Variants in SPEF2 observed in about 807,000 individuals in gnomAD.
The protein encoded by SPEF2 is sperm flagellar and cilia associated 2, also known as sperm flagella and cilia-associated protein 2.
Under a neutral mutation model 224.6 loss-of-function variants are expected in SPEF2, and 187 were observed. That is an observed-to-expected ratio of 0.83 (90% confidence interval 0.74 to 0.94). The LOEUF is 0.94. Among genes scored for constraint, SPEF2 ranks in the 40% least tolerant of loss-of-function variants. SPEF2 has a pLI of 0.00. For synonymous variants in SPEF2, 715 were observed against 707.3 expected, an observed-to-expected ratio of 1.01 and a Z score of -0.17; for missense variants, 2,170 against 2,135.6, an observed-to-expected ratio of 1.02 and a Z score of -0.32.
At chr5:35,627,882 A>T (rs900607141) in intron 1 of SPEF2, among the ~76,000 whole-genome samples, 4 of 152,186 alleles carry the variant, frequency 2.6e-5, no homozygotes, top group Admixed American at 2.6e-4. Flanking sequence ...CCCCTGGGCT[A>T]TCTCTCAGTA....
At chr5:35,711,646 G>C (rs13182061) in intron 19 of SPEF2, among the ~76,000 whole-genome samples, 114,724 of 143,096 alleles carry the variant, frequency 0.8, 45,364 homozygotes, top group East Asian at 0.85. Context: ...ATCATCCCCC[G>C]TCTTTCTTCC....
intron 10 of SPEF2, chr5:35,675,700 T>C (rs1751897020): frequency 3.7e-6 from 1 of 273,248 alleles, no homozygotes; most frequent in Admixed American, 4.0e-5. Flanking sequence ...TCTGTATTTT[T>C]AGTAGAGACA....
At chr5:35,789,196 C>A in intron 30 of SPEF2, 1 of 702,916 alleles carries the variant, frequency 1.4e-6, no homozygotes, top group South Asian at 1.5e-5. Context: ...AAAAGAAACC[C>A]AAAGAACTTC....
At chr5:35,765,828 T>A (rs1752018298) in intron 26 of SPEF2, among the ~76,000 whole-genome samples, 1 of 152,166 alleles carries the variant, frequency 6.6e-6, no homozygotes, top group African/African-American at 2.4e-5. Flanking sequence ...TTTCATATCC[T>A]GTTTACTCTA....
At chr5:35,697,851 ATG>A in intron 15 of SPEF2, 58 bp downstream of exon 15, 1 of 1,262,566 alleles carries the variant, frequency 7.9e-7, no homozygotes, top group Non-Finnish European at 1.1e-6. Context: ...TCACACAAAG[ATG>A]TATAAAGAAT....
Position 35,753,738 on chromosome 5 carries a change from A to T in SPEF2, c.3445A>T (p.Asn1149Tyr). The change falls in exon 24 of 37, where the codon AAC becomes TAC. Residue 1149 changes from asparagine to tyrosine, a missense_variant. Physicochemically the swap from Asn to Tyr is moderately radical, Grantham distance 143. Coordinates refer to ENST00000356031, the MANE Select transcript of SPEF2 (RefSeq NM_024867.4). ...WLQDTLGMTM[N>Y]HFFSLMQAEL... ...ACAGGACACTCTTGGAATGACAATG[A>T]ACCATTTCTTTTCCCTGATGCAGGT... The T allele has an allele frequency of 6.2e-7, 1 of 1,614,086 alleles. No homozygotes were observed. The highest frequency in any genetic ancestry group is 1.1e-5 in the South Asian group (1 of 91,078).
At chr5:35,810,368 C>T (rs546355190) in intron 36 of SPEF2, among the ~76,000 whole-genome samples, 32 of 152,184 alleles carry the variant, frequency 2.1e-4, no homozygotes, top group African/African-American at 5.5e-4. Context: ...CCTGCCACCA[C>T]GCCCAGCTAA....
intron 26 of SPEF2, among the ~76,000 whole-genome samples, chr5:35,765,428 A>G (rs1751962962): frequency 6.6e-6 from 1 of 152,168 alleles, no homozygotes; most frequent in Non-Finnish European, 1.5e-5. Flanking sequence ...ACCCATGTGC[A>G]TAGATAACTG....
chr5:35,798,534 A>C (rs1756995040), intron 33 of SPEF2, among the ~76,000 whole-genome samples: 1 of 147,648 alleles, frequency 6.8e-6, no homozygotes, highest in Admixed American at 6.7e-5. Context: ...TCCACTCTTC[A>C]CTCTCAATTT....
chr5:35,678,077 T>A (rs1414977193), intron 10 of SPEF2, among the ~76,000 whole-genome samples: 1 of 152,250 alleles, frequency 6.6e-6, no homozygotes, highest in Non-Finnish European at 1.5e-5. Context: ...AGTGTAAATT[T>A]CCTTCCAAAA....
At chr5:35,739,024 T>G (rs1282904677) in intron 21 of SPEF2, among the ~76,000 whole-genome samples, 1 of 152,212 alleles carries the variant, frequency 6.6e-6, no homozygotes, top group East Asian at 1.9e-4. Flanking sequence ...CTTTTCAAAC[T>G]GATACCTCGT....
At chr5:35,769,945 T>G (rs1454696867) in intron 26 of SPEF2, among the ~76,000 whole-genome samples, 1 of 151,774 alleles carries the variant, frequency 6.6e-6, no homozygotes, top group Non-Finnish European at 1.5e-5. Flanking sequence ...ATTGCTTTAT[T>G]GAGATTTTAG....
At chr5:35,678,439 AG>A (rs1752322276) in intron 10 of SPEF2, 1 of 152,208 alleles carries the variant, frequency 6.6e-6, no homozygotes, top group Non-Finnish European at 1.5e-5. Context: ...TTTCCTGGCA[AG>A]AGATGTGACC....
chr5:35,754,596 T>C (rs1750172022), intron 24 of SPEF2, among the ~76,000 whole-genome samples: 1 of 152,138 alleles, frequency 6.6e-6, no homozygotes, highest in Non-Finnish European at 1.5e-5. Context: ...AAAGAGATGG[T>C]TTTTAGGTCC....
chr5:35,714,395 T>A (rs1742080014), intron 20 of SPEF2, among the ~76,000 whole-genome samples: 1 of 151,724 alleles, frequency 6.6e-6, no homozygotes, highest in African/African-American at 2.4e-5. Context: ...ATAAGTGAAC[T>A]TTTAAAAGCC....
chr5:35,635,251 T>C (rs1359604690), intron 2 of SPEF2, among the ~76,000 whole-genome samples: 1 of 152,166 alleles, frequency 6.6e-6, no homozygotes, highest in Non-Finnish European at 1.5e-5. Context: ...TCAGTTGTAC[T>C]TTTCAACTTC....
At chr5:35,766,431 A>T (rs1324392550) in intron 26 of SPEF2, among the ~76,000 whole-genome samples, 2 of 152,008 alleles carry the variant, frequency 1.3e-5, no homozygotes, top group Non-Finnish European at 2.9e-5. Flanking sequence ...CTAAATGTTT[A>T]AATTTATGGG....
At chr5:35,793,068 A>G in intron 31 of SPEF2, 91 bp from the exon 32 acceptor site, 1 of 1,219,106 alleles carries the variant, frequency 8.2e-7, no homozygotes, top group Non-Finnish European at 1.1e-6. Flanking sequence ...TACTTCTTTC[A>G]TGGGAAACTC....
intron 10 of SPEF2, chr5:35,675,770 T>A (rs549492209): frequency 1.1e-5 from 4 of 348,236 alleles, no homozygotes; most frequent in South Asian, 8.9e-5. Flanking sequence ...TGATTCTAAC[T>A]TAACAGAGCA....
Sources: gnomAD v4.1 joint callset for allele counts (sites outside exome capture counted in the v4.1 genomes callset) on GRCh38, gnomAD v4.1.1 for gene constraint, MANE v1.5 for transcripts, NCBI Gene and HGNC (gene_info 2026-07-23, HGNC 2026-07-21) for gene names.